TNKS: variants seen among roughly 807,000 people sequenced by gnomAD.
TNKS encodes the protein poly [ADP-ribose] polymerase tankyrase-1.
Under a neutral mutation model 135.8 loss-of-function variants are expected in TNKS, and 72 were observed. That is an observed-to-expected ratio of 0.53 (90% confidence interval 0.44 to 0.64). The LOEUF (loss-of-function observed/expected upper bound fraction) is 0.64, where lower values mean the gene tolerates loss of function less well. Ranked by LOEUF, TNKS falls within the 30% of genes least tolerant of loss-of-function variation. The pLI, the probability that TNKS is intolerant of heterozygous loss-of-function variation, is 0.00. For synonymous variants in TNKS, 849 were observed against 649.3 expected, an observed-to-expected ratio of 1.31 and a Z score of -4.68; for missense variants, 1,769 against 1,674.0, an observed-to-expected ratio of 1.06 and a Z score of -0.99.
chr8:9,773,675 G>A (rs977302019), intron 26 of TNKS, among the ~76,000 whole-genome samples: 1 of 151,898 alleles, frequency 6.6e-6, no homozygotes, highest in African/African-American at 2.4e-5. Context: ...TAGTCAGAGT[G>A]TCTCATGAAA....
chr8:9,580,335 A>G lies in TNKS; in HGVS notation c.850A>G (p.Thr284Ala), dbSNP rs1200286941. 1 of 1,614,170 alleles carries G rather than the reference A, an allele frequency of 6.2e-7. No individual in the cohort carries two copies. The highest frequency in any genetic ancestry group is 1.7e-5 in the Admixed American group (1 of 60,024). ...AAATGCCAGGGATAACTGGAACTAT[A>G]CACCTCTGCATGAAGCTGCTATTAA... ...DPNARDNWNY[T>A]PLHEAAIKGK... The change falls in exon 2 of 27, where the codon ACA becomes GCA. Residue 284 changes from threonine to alanine, a missense_variant. Transcript: ENST00000310430.
chr8:9,607,835 G>A lies in TNKS; in HGVS notation c.899-7747G>A, dbSNP rs188546227. ...TAAAATGCAGTAATTTTACTGCTTT[G>A]TCAGGGGCATTCTAATGTGAAACAC... On this transcript the variant is annotated intron_variant, in intron 2 of 26. Transcript: ENST00000310430. Among the ~76,000 whole-genome samples, 40 of 152,242 alleles carry A rather than the reference G, an allele frequency of 2.6e-4. 1 individual carries two copies. Among genetic ancestry groups the A allele is most frequent in the South Asian group, 4.1e-4 (2 of 4,824 alleles).
chr8:9,601,720 TAA>T (rs952163787), intron 2 of TNKS, among the ~76,000 whole-genome samples: 16 of 152,206 alleles, frequency 1.1e-4, no homozygotes, highest in African/African-American at 3.9e-4. Flanking sequence ...CTCTATTTGA[TAA>T]AGTCAGTACT....
At chr8:9,581,646 ACCTTGTT>A (rs1224434609) in intron 2 of TNKS, among the ~76,000 whole-genome samples, 2 of 152,106 alleles carry the variant, frequency 1.3e-5, no homozygotes, top group African/African-American at 4.8e-5. Context: ...TTCTTGCTTC[ACCTTGTT>A]GTCACAGCCA....
intron 14 of TNKS, among the ~76,000 whole-genome samples, chr8:9,732,975 AT>A (rs890112453): frequency 1.3e-5 from 2 of 152,178 alleles, no homozygotes; most frequent in African/African-American, 4.8e-5. Context: ...ATTGTATTAT[AT>A]TTTTTATAAG....
intron 2 of TNKS, among the ~76,000 whole-genome samples, chr8:9,607,377 G>A (rs1351595116): frequency 6.6e-6 from 1 of 152,172 alleles, no homozygotes; most frequent in African/African-American, 2.4e-5. Context: ...TACATTTATA[G>A]TTAGAAAAGG....
chr8:9,767,075 T>C (rs1416638741), intron 25 of TNKS, among the ~76,000 whole-genome samples: 1 of 152,218 alleles, frequency 6.6e-6, no homozygotes, highest in Non-Finnish European at 1.5e-5. Flanking sequence ...AACTGCTAGC[T>C]CTAGTCACAT....
intron 3 of TNKS, among the ~76,000 whole-genome samples, chr8:9,653,153 A>T (rs1337319252): frequency 2.0e-5 from 3 of 152,180 alleles, no homozygotes; most frequent in African/African-American, 7.2e-5. Flanking sequence ...AATGAGGGAG[A>T]AAGAAATTAA....
intron 6 of TNKS, among the ~76,000 whole-genome samples, chr8:9,705,174 A>C (rs1314444653): frequency 1.3e-5 from 2 of 152,182 alleles, no homozygotes; most frequent in Non-Finnish European, 2.9e-5. Flanking sequence ...TTTTCTGGTG[A>C]AATCTTGGAC....
intron 3 of TNKS, among the ~76,000 whole-genome samples, chr8:9,661,671 T>C (rs1211977154): frequency 6.6e-6 from 1 of 152,198 alleles, no homozygotes; most frequent in Admixed American, 6.5e-5. Flanking sequence ...GACATAGGCA[T>C]GGGCAAGGAC....
At chr8:9,671,389 G>C (rs934243622) in intron 3 of TNKS, among the ~76,000 whole-genome samples, 1 of 152,136 alleles carries the variant, frequency 6.6e-6, no homozygotes, top group Non-Finnish European at 1.5e-5. Context: ...TAAACAAATT[G>C]AGATACATCC....
Position 9,706,996 on chromosome 8 carries a change from T to C in TNKS, c.1455T>C (p.Thr485=). 6.4e-7 allele frequency: 1 copy of C among 1,567,054 alleles called. No individual in the cohort carries two copies. Among genetic ancestry groups the C allele is most frequent in the Non-Finnish European group, 8.6e-7 (1 of 1,157,612 alleles). The part of the protein sequence containing the change: ...APTPELRERL[T]YEFKGHSLLQ... ...CTCCGGAGCTTAGGGAGAGATTGAC[T>C]TGTACGTATTTATATCCCGAAATCA... Residue 485 remains threonine (T), a splice_region_variant and synonymous_variant, in exon 8 of 27, where the codon ACT becomes ACC. Transcript: ENST00000310430.
intron 13 of TNKS, 138 bp from the exon 14 acceptor site, chr8:9,730,752 T>G: frequency 1.0e-6 from 1 of 980,408 alleles, no homozygotes; most frequent in African/African-American, 1.6e-5. Context: ...AACATTTGTA[T>G]TGTCTAATCT....
chr8:9,641,186 T>G lies in TNKS; in HGVS notation c.994+25509T>G, dbSNP rs944623287. Among the ~76,000 whole-genome samples the G allele has an allele frequency of 2.7e-5, 4 of 146,008 alleles. 1 individual carries two copies. The highest frequency in any genetic ancestry group is 6.0e-5 in the Non-Finnish European group (4 of 66,694). The stretch of plus-strand genomic sequence containing the variant: ...CTTTGGCTGGAGAACATTAACAGTT[T>G]CCTTAAAGATATTTCTTAAGGTGCA... On this transcript the variant is annotated intron_variant, in intron 3 of 26. Transcript: ENST00000310430.
intron 3 of TNKS, among the ~76,000 whole-genome samples, chr8:9,678,027 T>C (rs1487263447): frequency 6.6e-6 from 1 of 152,182 alleles, no homozygotes; most frequent in African/African-American, 2.4e-5. Flanking sequence ...CACTGGCTGG[T>C]AAGCTCTCTA....
intron 5 of TNKS, among the ~76,000 whole-genome samples, chr8:9,700,800 C>G (rs1803762935): frequency 6.6e-6 from 1 of 152,112 alleles, no homozygotes; most frequent in Non-Finnish European, 1.5e-5. Context: ...ACAGAGCCTG[C>G]TAATTTATTT....
At chr8:9,653,079 G>A (rs1801203999) in intron 3 of TNKS, among the ~76,000 whole-genome samples, 1 of 152,170 alleles carries the variant, frequency 6.6e-6, no homozygotes, top group African/African-American at 2.4e-5. Context: ...ACCTGCCCAT[G>A]TTTAGGATGA....
intron 17 of TNKS, chr8:9,740,823 G>GTTTTTTT (rs565849400): frequency 1.2e-4 from 7 of 60,488 alleles, no homozygotes; most frequent in South Asian, 4.8e-4. Context: ...TGTAATTCTT[G>GTTTTTTT]TTGTTTTTTT....
chr8:9,748,956 G>A (rs1041424662), intron 18 of TNKS, among the ~76,000 whole-genome samples: 1 of 152,098 alleles, frequency 6.6e-6, no homozygotes. Context: ...TAGAAGGCAG[G>A]GGCCTCTCTA....
Sources: allele counts gnomAD v4.1 joint callset (sites outside exome capture counted in the v4.1 genomes callset), GRCh38; gene constraint gnomAD v4.1.1; transcripts MANE v1.5; gene names NCBI Gene and HGNC (gene_info 2026-07-23, HGNC 2026-07-21).